The following ALDH1A2 variants were observed in gnomAD, a reference collection of about 807,000 sequenced individuals.
ALDH1A2 encodes retinal dehydrogenase 2.
A neutral mutation model predicts 60.3 loss-of-function variants in ALDH1A2; 27 were observed. That is an observed-to-expected ratio of 0.45 (90% CI 0.33 to 0.62). The LOEUF (loss-of-function observed/expected upper bound fraction) is 0.62, where lower values mean the gene tolerates loss of function less well. Ranked by LOEUF, ALDH1A2 falls within the 20% of genes least tolerant of loss-of-function variation. ALDH1A2 has a pLI of 0.02. For missense variants in ALDH1A2, 581 were observed against 643.8 expected (o/e 0.90, Z 1.06); for synonymous variants, 289 against 232.4 (o/e 1.24, Z -2.21).
chr15:58,023,599 T>C (rs1478632788), intron 1 of ALDH1A2, among the ~76,000 whole-genome samples: 1 of 143,832 alleles, frequency 7.0e-6, no homozygotes, highest in Non-Finnish European at 1.5e-5. Context: ...TAACAGCAGA[T>C]TTCTCAGCAG....
At chr15:58,046,230 T>C (rs1197683178) in intron 1 of ALDH1A2, among the ~76,000 whole-genome samples, 1 of 152,008 alleles carries the variant, frequency 6.6e-6, no homozygotes, top group East Asian at 1.9e-4. Flanking sequence ...GTTAAAACAG[T>C]AAAGATCATA....
intron 1 of ALDH1A2, among the ~76,000 whole-genome samples, chr15:58,026,205 C>T (rs1450013525): frequency 1.3e-5 from 2 of 152,144 alleles, no homozygotes; most frequent in East Asian, 1.9e-4. Flanking sequence ...CCTAAATCAA[C>T]AGCACATTGA....
At chr15:57,971,355 C>T (rs776744722) in intron 7 of ALDH1A2, among the ~76,000 whole-genome samples, 5 of 152,168 alleles carry the variant, frequency 3.3e-5, no homozygotes, top group African/African-American at 1.2e-4. Flanking sequence ...GTGCTATGTA[C>T]GTAACTCTCA....
At chr15:58,011,257 GTTTA>G (rs1895625764) in intron 3 of ALDH1A2, among the ~76,000 whole-genome samples, 1 of 152,256 alleles carries the variant, frequency 6.6e-6, no homozygotes, top group African/African-American at 2.4e-5. Context: ...TGCACAGCAA[GTTTA>G]TTTATTACCA....
intron 7 of ALDH1A2, among the ~76,000 whole-genome samples, chr15:57,985,764 C>T (rs372760672): frequency 6.6e-6 from 1 of 152,142 alleles, no homozygotes; most frequent in Non-Finnish European, 1.5e-5. Context: ...AAGAGAATGT[C>T]CTCCCCACAA....
At chr15:57,971,434 C>T (rs1229028810) in intron 7 of ALDH1A2, among the ~76,000 whole-genome samples, 8 of 152,140 alleles carry the variant, frequency 5.3e-5, no homozygotes, top group African/African-American at 1.9e-4. Context: ...TGCATATGTA[C>T]ACAGATTTTA....
At chr15:58,062,542 A>G (rs901216013) in intron 1 of ALDH1A2, among the ~76,000 whole-genome samples, 5 of 152,252 alleles carry the variant, frequency 3.3e-5, no homozygotes, top group Non-Finnish European at 7.3e-5. Context: ...TAGACAACTC[A>G]GAAAATTTTA....
chr15:58,061,612 A>AAAAAAAAC (rs1897039451), intron 1 of ALDH1A2, among the ~76,000 whole-genome samples: 1 of 128,370 alleles, frequency 7.8e-6, no homozygotes, highest in Non-Finnish European at 1.6e-5. Flanking sequence ...AAAAAAAACA[A>AAAAAAAAC]AAAAAAAAAA....
At chr15:57,991,393 AAC>A (rs1195096733) in intron 7 of ALDH1A2, 1 of 152,236 alleles carries the variant, frequency 6.6e-6, no homozygotes, top group African/African-American at 2.4e-5. Context: ...TAACTCGACA[AAC>A]ACAAAACTCA....
chr15:57,964,792 C>A (rs1162547399), intron 8 of ALDH1A2: 1 of 152,380 alleles, frequency 6.6e-6, no homozygotes, highest in Non-Finnish European at 1.5e-5. Context: ...AAATGACCGA[C>A]TGACTGAATA....
chr15:58,019,151 A>C (rs1176794728), intron 1 of ALDH1A2, among the ~76,000 whole-genome samples: 3 of 152,172 alleles, frequency 2.0e-5, no homozygotes, highest in Non-Finnish European at 4.4e-5. Flanking sequence ...TCAAAATGGA[A>C]AGCAAAAAAA....
intron 7 of ALDH1A2, among the ~76,000 whole-genome samples, chr15:57,976,481 T>TG (rs1894262183): frequency 6.6e-6 from 1 of 152,164 alleles, no homozygotes; most frequent in Non-Finnish European, 1.5e-5. Context: ...GCATCCTCAT[T>TG]GTTCAACTCT....
chr15:57,965,632 A>G (rs1893868937), intron 8 of ALDH1A2, 93 bp downstream of exon 8: 9 of 964,626 alleles, frequency 9.3e-6, no homozygotes, highest in Non-Finnish European at 1.5e-5. Flanking sequence ...AGCTTCAAAT[A>G]TCTTTTGCTA....
At chr15:58,023,557 T>C (rs995799813) in intron 1 of ALDH1A2, among the ~76,000 whole-genome samples, 1 of 150,040 alleles carries the variant, frequency 6.7e-6, no homozygotes, top group Non-Finnish European at 1.5e-5. Flanking sequence ...CAGAAAAGCA[T>C]CTAGTCACCT....
At chr15:58,050,545 GGAT>G (rs1470026785) in intron 1 of ALDH1A2, among the ~76,000 whole-genome samples, 1 of 152,106 alleles carries the variant, frequency 6.6e-6, no homozygotes, top group Non-Finnish European at 1.5e-5. Context: ...ATGTTTTCAT[GGAT>G]GTTGTATGTG....
At chr15:58,055,423 CA>C (rs1896871849) in intron 1 of ALDH1A2, among the ~76,000 whole-genome samples, 1 of 151,866 alleles carries the variant, frequency 6.6e-6, no homozygotes, top group African/African-American at 2.4e-5. Flanking sequence ...CTAGGTACTT[CA>C]GAAACACCAT....
intron 4 of ALDH1A2, among the ~76,000 whole-genome samples, chr15:58,009,389 C>T (rs1350400151): frequency 6.6e-6 from 1 of 151,978 alleles, no homozygotes; most frequent in Non-Finnish European, 1.5e-5. Flanking sequence ...GAACTATTCC[C>T]AGCCATCCAC....
chr15:57,975,217 G>A (rs1439952243), intron 7 of ALDH1A2, among the ~76,000 whole-genome samples: 4 of 130,002 alleles, frequency 3.1e-5, no homozygotes, highest in Admixed American at 7.3e-5. Flanking sequence ...TAAGAGAAAA[G>A]GACATACATG....
intron 1 of ALDH1A2, among the ~76,000 whole-genome samples, chr15:58,057,032 A>G (rs1284982310): frequency 2.0e-5 from 3 of 152,124 alleles, no homozygotes; most frequent in Non-Finnish European, 1.5e-5. Flanking sequence ...TAAGTTGTAG[A>G]TACATATACT....
Sources: gnomAD v4.1 joint callset for allele counts (sites outside exome capture counted in the v4.1 genomes callset) on GRCh38, gnomAD v4.1.1 for gene constraint, MANE v1.5 for transcripts, NCBI Gene and HGNC (gene_info 2026-07-23, HGNC 2026-07-21) for gene names.